The following PCDHGB6 variants were observed in gnomAD, a reference collection of about 807,000 sequenced individuals.
PCDHGB6 encodes the protein protocadherin gamma-B6.
Under a neutral mutation model 59.1 loss-of-function variants are expected in PCDHGB6, and 51 were observed. The ratio of observed to expected loss-of-function variants is 0.86; its 90% CI spans 0.69 to 1.09. The LOEUF is 1.09. Among genes scored for constraint, PCDHGB6 ranks in the 50% least tolerant of loss-of-function variants. The probability of loss-of-function intolerance (pLI) is 0.00; values close to 1 mark genes in which losing one functional copy is unlikely to be tolerated. For missense variants in PCDHGB6, 1,148 were observed against 1,205.1 expected (o/e 0.95, Z 0.70); for synonymous variants, 466 against 495.1 (o/e 0.94, Z 0.78).
intron 1 of PCDHGB6, among the ~76,000 whole-genome samples, chr5:141,470,814 A>T (rs1170059292): frequency 2.6e-5 from 4 of 152,006 alleles, no homozygotes; most frequent in Admixed American, 6.5e-5. Context: ...CAGCCTTCTG[A>T]GTAGTTAGGA....
chr5:141,423,648 G>T, intron 1 of PCDHGB6: 1 of 1,590,008 alleles, frequency 6.3e-7, no homozygotes, highest in Admixed American at 1.8e-5. Context: ...AATGTGACCC[G>T]ACAAGTAATC....
At chr5:141,450,815 A>ATTAT (rs1554136868) in intron 1 of PCDHGB6, among the ~76,000 whole-genome samples, 98 of 126,742 alleles carry the variant, frequency 7.7e-4, no homozygotes, top group African/African-American at 3.1e-3. Flanking sequence ...TATTTATTTA[A>ATTAT]TATTATTATT....
At chr5:141,418,026 T>A (rs2154547454) in intron 1 of PCDHGB6, 1 of 1,613,962 alleles carries the variant, frequency 6.2e-7, no homozygotes, top group East Asian at 2.2e-5. Context: ...GATCTAGGGC[T>A]TAGTGTCCTG....
intron 2 of PCDHGB6, 142 bp downstream of exon 2, chr5:141,495,007 G>C (rs2099758216): frequency 2.0e-6 from 3 of 1,522,276 alleles, no homozygotes; most frequent in Non-Finnish European, 8.8e-7. Flanking sequence ...TTGGTGTGCG[G>C]GGGGCTGGCA....
intron 1 of PCDHGB6, chr5:141,426,320 G>A (rs2096927622): frequency 1.1e-5 from 2 of 175,034 alleles, no homozygotes; most frequent in South Asian, 1.3e-4. Context: ...AGCAGGACCC[G>A]GCAGTGGCAA....
At chr5:141,435,421 C>T (rs1384040447) in intron 1 of PCDHGB6, among the ~76,000 whole-genome samples, 2 of 152,096 alleles carry the variant, frequency 1.3e-5, no homozygotes, top group Non-Finnish European at 2.9e-5. Context: ...CTATTTTTCA[C>T]TTCTGTTATG....
rs2233607 is a variant in PCDHGB6 at position 141,490,647 on chromosome 5, G to A, written c.2419-4160G>A. The A allele has an allele frequency of 2.5e-3, 3,973 of 1,614,082 alleles. 41 individuals carry two copies. The African/African-American group carries it at 0.027, about 11-fold the overall frequency. ...CTTACATCCTAGAAAACCGGCCTCC[G>A]GGCTCCCTTCTTTGCACTGTGGCTG... is the stretch of plus-strand genomic sequence containing the variant. On this transcript the variant is annotated intron_variant, in intron 1 of 3. Transcript: ENST00000520790. The surrounding 1 kb of genome is among the most constrained non-coding windows in gnomAD (Gnocchi z 5.4).
chr5:141,505,326 G>A, intron 2 of PCDHGB6, 67 bp from the exon 3 acceptor site: 2 of 1,607,648 alleles, frequency 1.2e-6, no homozygotes, highest in East Asian at 2.2e-5. Context: ...AGCCCTGGGA[G>A]AGGACAGGAG....
At chr5:141,501,326 CACACACA>C (rs1562200783) in intron 2 of PCDHGB6, among the ~76,000 whole-genome samples, 10 of 151,784 alleles carry the variant, frequency 6.6e-5, no homozygotes, top group African/African-American at 1.9e-4. Flanking sequence ...CACACACACA[CACACACA>C]CCCCAAACTC....
intron 1 of PCDHGB6, among the ~76,000 whole-genome samples, chr5:141,443,035 CTT>C (rs2098359592): frequency 6.6e-6 from 1 of 152,208 alleles, no homozygotes; most frequent in African/African-American, 2.4e-5. Context: ...CAGACCTAAA[CTT>C]TGAAAATTAT....
chr5:141,419,043 A>G (rs1561777660), intron 1 of PCDHGB6: 5 of 1,613,958 alleles, frequency 3.1e-6, no homozygotes. Flanking sequence ...TTTAAGATTC[A>G]TTCTTCTTCT....
intron 1 of PCDHGB6, chr5:141,413,841 T>A: frequency 6.2e-7 from 1 of 1,613,060 alleles, no homozygotes; most frequent in Non-Finnish European, 8.5e-7. Flanking sequence ...CCGACGGGGG[T>A]GACCCTCTCC....
intron 1 of PCDHGB6, chr5:141,413,356 C>T: frequency 6.2e-7 from 1 of 1,613,962 alleles, no homozygotes; most frequent in South Asian, 1.1e-5. Context: ...TCTGGCGCCC[C>T]GGGAGCTGGC....
In PCDHGB6 at chr5:141,476,714, C is replaced by G. The variant is rs146188020; in HGVS notation, c.2419-18093C>G. 3.1e-6 allele frequency: 5 copies of G among 1,614,036 alleles called. No individual in the cohort carries two copies. Among genetic ancestry groups the G allele is most frequent in the African/African-American group, 2.7e-5 (2 of 74,938 alleles). ...CAAGTACGCGGAGCTGGTGTTGGAGCGCGCCCTGGACCGAGAACGGGAGCC... is the reference window on the plus strand; with the variant it reads ...CAAGTACGCGGAGCTGGTGTTGGAGGGCGCCCTGGACCGAGAACGGGAGCC... On this transcript the variant is annotated intron_variant, in intron 1 of 3. Transcript: ENST00000520790. This position sits in a 1 kb window ranked among gnomAD's most constrained non-coding sequence, Gnocchi z 7.6.
intron 1 of PCDHGB6, chr5:141,424,621 T>C (rs560809778): frequency 6.6e-6 from 1 of 152,346 alleles, no homozygotes; most frequent in Non-Finnish European, 1.5e-5. Context: ...TAGAGTAGTT[T>C]GTGAATATAT....
chr5:141,413,075 AG>A (rs1225722826), intron 1 of PCDHGB6: 11 of 1,246,492 alleles, frequency 8.8e-6, no homozygotes, highest in Non-Finnish European at 1.1e-5. Context: ...TAAAGTGCCC[AG>A]GCTACAGAGA....
Position 141,447,676 on chromosome 5 carries a change from C to T in PCDHGB6, c.2418+37056C>T, listed in dbSNP as rs1466767844. Among the ~76,000 whole-genome samples the T allele has an allele frequency of 2.6e-5, 4 of 152,104 alleles. No individual in the cohort carries two copies. The East Asian group carries it at 7.7e-4, about 29-fold the overall frequency. On this transcript the variant is annotated intron_variant, in intron 1 of 3. Coordinates refer to ENST00000520790, the MANE Select transcript of PCDHGB6 (RefSeq NM_018926.3). The stretch of plus-strand genomic sequence containing the variant: ...CCCCCCCAGGAAGTTAGAACTGTTC[C>T]ATATCTTGATAGAGGGATGGGTTAT...
rs1205836590 is a variant in PCDHGB6 at position 141,476,270 on chromosome 5, G to A, written c.2419-18537G>A. The A allele has an allele frequency of 6.2e-7, 1 of 1,614,088 alleles. No individual in the cohort carries two copies. Among genetic ancestry groups the A allele is most frequent in the Admixed American group, 1.7e-5 (1 of 60,026 alleles). Reference sequence around the variant, plus strand: ...GGGTTTCGCTGTGGGCAACGTGGTCGCGAACCTTGGTTTGGATCTCGGTAG... The same window carrying A: ...GGGTTTCGCTGTGGGCAACGTGGTCACGAACCTTGGTTTGGATCTCGGTAG... On this transcript the variant is annotated intron_variant, in intron 1 of 3. Transcript: ENST00000520790. The surrounding 1 kb of genome is among the most constrained non-coding windows in gnomAD (Gnocchi z 7.6).
intron 1 of PCDHGB6, among the ~76,000 whole-genome samples, chr5:141,457,005 A>T (rs2098903361): frequency 6.6e-6 from 1 of 152,146 alleles, no homozygotes; most frequent in Admixed American, 6.5e-5. Flanking sequence ...TGCATTACTA[A>T]ATCCAATAAA....
Sources: allele counts gnomAD v4.1 joint callset (sites outside exome capture counted in the v4.1 genomes callset), GRCh38; gene constraint gnomAD v4.1.1; non-coding constraint Gnocchi (gnomAD v3.1); transcripts MANE v1.5; gene names NCBI Gene and HGNC (gene_info 2026-07-23, HGNC 2026-07-21).